The following GFM1 variants were observed in gnomAD, a reference collection of about 807,000 sequenced individuals.
The protein encoded by GFM1 is G elongation factor mitochondrial 1.
In GFM1, 62 loss-of-function variants were observed where a neutral mutation model predicts 96.2. The observed-to-expected ratio is 0.64, with a 90% confidence interval of 0.53 to 0.80. The LOEUF (loss-of-function observed/expected upper bound fraction) is 0.80. Ranked by LOEUF, GFM1 falls within the 30% of genes least tolerant of loss-of-function variation. The pLI is 0.00. For missense variants in GFM1, 852 were observed against 916.6 expected, an observed-to-expected ratio of 0.93 and a Z score of 0.91; for synonymous variants, 282 against 312.9, an observed-to-expected ratio of 0.90 and a Z score of 1.04.
At chr3:158,672,601 C>A (rs1724455513) in intron 13 of GFM1, 2 of 1,216,510 alleles carry the variant, frequency 1.6e-6, no homozygotes, top group African/African-American at 3.0e-5. Context: ...CAAGCTCCTT[C>A]AGTCAGTCTT....
chr3:158,653,340 T>C lies in GFM1; in HGVS notation c.871T>C (p.Ser291Pro). 6.2e-7 allele frequency: 1 copy of C among 1,613,616 alleles called. No individual in the cohort carries two copies. Reference protein sequence around the residue: ...LAIRRATLKRSFTPVFLGSAL... With the variant: ...LAIRRATLKRPFTPVFLGSAL... Reference sequence around the variant, plus strand: ...AATTCGAAGAGCTACTCTGAAAAGATCATTTACTCCTGTATTTTTGGGAAG... The same window carrying C: ...AATTCGAAGAGCTACTCTGAAAAGACCATTTACTCCTGTATTTTTGGGAAG... Residue 291 changes from serine (S) to proline (P), a missense_variant, in exon 7 of 18, where the codon TCA becomes CCA. Physicochemically the swap from Ser to Pro is moderately conservative, Grantham distance 74. Transcript: ENST00000486715.
rs1723154594 is a variant in GFM1, at chr3:158,660,922, G to C, written c.1270G>C (p.Asp424His). Residue 424 changes from aspartate (D) to histidine (H), a missense_variant, in exon 10 of 18, where the codon GAC becomes CAC. Asp to His is a moderately conservative substitution (Grantham distance 81, BLOSUM62 -1). Coordinates refer to ENST00000486715, the MANE Select transcript of GFM1 (RefSeq NM_024996.7). ...AGACATCTGTGCATTGTTTGGCATT[G>C]ACTGTGCTAGTGGAGACACATTCAC... is the stretch of plus-strand genomic sequence containing the variant. ...AGDICALFGI[D>H]CASGDTFTDK... 1 of 1,613,958 alleles carries C rather than the reference G, an allele frequency of 6.2e-7. No individual in the cohort carries two copies. Among genetic ancestry groups the C allele is most frequent in the Non-Finnish European group, 8.5e-7 (1 of 1,180,002 alleles).
intron 13 of GFM1, among the ~76,000 whole-genome samples, chr3:158,673,320 C>T (rs907490311): frequency 2.0e-5 from 3 of 152,038 alleles, no homozygotes; most frequent in African/African-American, 7.2e-5. Flanking sequence ...AAAAACTGAA[C>T]TTATACAAAG....
At chr3:158,660,538 A>G (rs1218191178) in intron 9 of GFM1, 5 of 305,018 alleles carry the variant, frequency 1.6e-5, no homozygotes, top group Non-Finnish European at 3.1e-5. Context: ...ATGAGACACC[A>G]TGCCCCGCCA....
intron 15 of GFM1, among the ~76,000 whole-genome samples, chr3:158,687,622 C>T (rs1725970708): frequency 6.6e-6 from 1 of 152,064 alleles, no homozygotes; most frequent in Admixed American, 6.6e-5. Flanking sequence ...TGCGTGCCAC[C>T]ACACCCAGCT....
chr3:158,684,171 G>C (rs143668130), intron 14 of GFM1, among the ~76,000 whole-genome samples: 5 of 152,206 alleles, frequency 3.3e-5, no homozygotes, highest in African/African-American at 1.2e-4. Flanking sequence ...TGGACACATA[G>C]AGGGGAACAA....
chr3:158,649,014 G>C (rs773648867), intron 4 of GFM1, 27 bp from the exon 5 acceptor site: 1 of 1,018,250 alleles, frequency 9.8e-7, no homozygotes, highest in South Asian at 1.3e-5. Context: ...AAGAAAAAAG[G>C]TAAACAAGTG....
At position 158,664,366 on chromosome 3, in the gene GFM1, C is replaced by T. The variant is rs867186766; in HGVS notation, c.1381-971C>T. On this transcript the variant is annotated intron_variant, in intron 11 of 17. Coordinates refer to ENST00000486715, the MANE Select transcript of GFM1 (RefSeq NM_024996.7). ...AATGTTGTTTTCCTTTCTGGAGGCT[C>T]TATGGGAGAATTTCTCTCCTTCTTA... is the stretch of plus-strand genomic sequence containing the variant. 2.0e-5 allele frequency among the ~76,000 whole-genome samples: 3 copies of T among 152,036 alleles called. No homozygotes were observed. In the South Asian group the frequency reaches 6.2e-4, roughly 32 times the overall value.
chr3:158,674,030 G>A (rs555410452), intron 13 of GFM1, among the ~76,000 whole-genome samples: 15 of 150,192 alleles, frequency 1.0e-4, no homozygotes, highest in Non-Finnish European at 1.6e-4. Flanking sequence ...TCTCAGTCTT[G>A]TCCGTGTATG....
In GFM1 at chr3:158,658,905, C is replaced by G; in HGVS notation, c.1084-17C>G. ...TTCTTTTTATTCTTCCTGCCCTTAC[C>G]CAATCTTGACTTCTAGGTAGGTCGA... On this transcript the variant is annotated splice_polypyrimidine_tract_variant and intron_variant, in intron 8 of 17. Transcript: ENST00000486715. 1 of 1,613,816 alleles carries G rather than the reference C, an allele frequency of 6.2e-7. No homozygotes were observed.
chr3:158,657,206 A>G (rs796883085), intron 8 of GFM1: 3 of 152,306 alleles, frequency 2.0e-5, no homozygotes, highest in African/African-American at 7.2e-5. Flanking sequence ...AAATGAGGGG[A>G]AAATTTTTTT....
Position 158,693,037 on chromosome 3 carries a change from C to T in GFM1, c.*1570C>T, listed in dbSNP as rs188523140. 6.6e-6 allele frequency: 1 copy of T among 152,118 alleles called. No individual in the cohort carries two copies. Among genetic ancestry groups the T allele is most frequent in the African/African-American group, 2.4e-5 (1 of 41,508 alleles). The allele number at this position is 152,118 out of a possible 1,614,324, so 9.4% of individuals were successfully genotyped here. On this transcript the variant is annotated 3_prime_UTR_variant, in exon 18 of 18. Transcript: ENST00000486715. ...TTGTATAATTTCATTCTCACAACCC[C>T]GAGAGTAAGTACTATTATTATGTCC...
chr3:158,689,348 A>G (rs2108114793), intron 15 of GFM1, among the ~76,000 whole-genome samples: 1 of 152,268 alleles, frequency 6.6e-6, no homozygotes, highest in African/African-American at 2.4e-5. Context: ...GAAGGCATAT[A>G]GCTTCTTTGA....
At chr3:158,675,185 G>C (rs1724768349) in intron 13 of GFM1, among the ~76,000 whole-genome samples, 1 of 151,190 alleles carries the variant, frequency 6.6e-6, no homozygotes, top group South Asian at 2.1e-4. Flanking sequence ...TACTCGGGAG[G>C]CTGAGGCAGG....
rs1384455869 is a variant in GFM1, at chr3:158,672,955, A to G, written c.1601+6569A>G. Among the ~76,000 whole-genome samples, 2 of 152,130 alleles carry G rather than the reference A, an allele frequency of 1.3e-5. 1 individual carries two copies. Among genetic ancestry groups the G allele is most frequent in the Middle Eastern group, 6.3e-3 (2 of 316 alleles). On this transcript the variant is annotated intron_variant, in intron 13 of 17. Coordinates refer to ENST00000486715, the MANE Select transcript of GFM1 (RefSeq NM_024996.7). ...AAAAGTCTGGTTGCTTCGCTTGCAT[A>G]CTGGAGCACAACTTCCTTATACACC...
Position 158,654,527 on chromosome 3 carries a change from T to G in GFM1, c.999-20T>G. 1 of 1,364,904 alleles carries G rather than the reference T, an allele frequency of 7.3e-7. No individual in the cohort carries two copies. Among genetic ancestry groups the G allele is most frequent in the Non-Finnish European group, 1.0e-6 (1 of 954,192 alleles). The allele number at this position is 1,364,904 out of a possible 1,614,324, so 84.5% of individuals were successfully genotyped here. A position where few individuals can be genotyped will look rare whatever the true frequency, so the allele number is the denominator to read the frequency against. On this transcript the variant is annotated intron_variant, in intron 7 of 17. Coordinates refer to ENST00000486715, the MANE Select transcript of GFM1 (RefSeq NM_024996.7). The stretch of plus-strand genomic sequence containing the variant: ...TATCATATATTACATCTCATAGATT[T>G]ATATTTCTTTTATTTTAAGTGACTC...
chr3:158,680,975 T>C (rs1725328764), intron 13 of GFM1, among the ~76,000 whole-genome samples: 1 of 152,170 alleles, frequency 6.6e-6, no homozygotes, highest in Non-Finnish European at 1.5e-5. Context: ...AGTATGTTTG[T>C]ATAGATGTTA....
At chr3:158,690,099 T>A (rs1444129416) in intron 15 of GFM1, 64 bp from the exon 16 acceptor site, 1 of 1,400,106 alleles carries the variant, frequency 7.1e-7, no homozygotes, top group Non-Finnish European at 1.0e-6. Flanking sequence ...CCCTTTTTTA[T>A]ATCTGGACAG....
At chr3:158,684,408 T>C in intron 14 of GFM1, 116 bp from the exon 15 acceptor site, 1 of 1,003,298 alleles carries the variant, frequency 1.0e-6, no homozygotes, top group Non-Finnish European at 1.5e-6. Context: ...TTTTGAGGGG[T>C]GAAATACAGC....
Sources: allele counts gnomAD v4.1 joint callset (sites outside exome capture counted in the v4.1 genomes callset), GRCh38; gene constraint gnomAD v4.1.1; transcripts MANE v1.5; gene names NCBI Gene and HGNC (gene_info 2026-07-23, HGNC 2026-07-21).